Variants in FBXO34 observed in about 807,000 individuals in gnomAD.
The protein encoded by FBXO34 is F-box only protein 34.
In FBXO34, 12 loss-of-function variants were observed where a neutral mutation model predicts 24.5. The observed-to-expected ratio is 0.49, with a 90% confidence interval of 0.31 to 0.79. FBXO34 has a LOEUF of 0.79. Ranked by LOEUF, FBXO34 falls within the 30% of genes least tolerant of loss-of-function variation. The probability of loss-of-function intolerance (pLI) is 0.04; values close to 1 mark genes in which losing one functional copy is unlikely to be tolerated. For synonymous variants in FBXO34, 320 were observed against 311.9 expected, an observed-to-expected ratio of 1.03 and a Z score of -0.27; for missense variants, 823 against 857.7, an observed-to-expected ratio of 0.96 and a Z score of 0.51.
chr14:55,426,727 G>T, the FBXO34 span, among the ~76,000 whole-genome samples: 2 of 151,164 alleles, frequency 1.3e-5, no homozygotes, highest in African/African-American at 4.9e-5. Flanking sequence ...AAAAAAAAAA[G>T]AAAAGAAAAG....
At chr14:55,428,965 C>A in the FBXO34 span, 1 of 1,614,064 alleles carries the variant, frequency 6.2e-7, no homozygotes, top group Non-Finnish European at 8.5e-7. Flanking sequence ...CAAGTCGAGA[C>A]TGCTCTTCAC....
the FBXO34 span, among the ~76,000 whole-genome samples, chr14:55,383,064 AG>A: frequency 6.6e-6 from 1 of 152,186 alleles, no homozygotes; most frequent in African/African-American, 2.4e-5. Flanking sequence ...CCACAAAAAG[AG>A]CAGCTAGTTC....
chr14:55,321,967 A>G (rs1368159526), intron 1 of FBXO34, among the ~76,000 whole-genome samples: 2 of 152,200 alleles, frequency 1.3e-5, no homozygotes, highest in African/African-American at 2.4e-5. Flanking sequence ...AACCACATTG[A>G]AATAGCTGCA....
At chr14:55,372,190 C>A (rs1312300973), downstream of FBXO34, among the ~76,000 whole-genome samples, 1 of 152,106 alleles carries the variant, frequency 6.6e-6, no homozygotes, top group Non-Finnish European at 1.5e-5. Flanking sequence ...TCCCACCTCC[C>A]ACTCTGTCTG....
chr14:55,271,712 C>T (rs1881150988), intron 1 of FBXO34, among the ~76,000 whole-genome samples, 175 bp downstream of exon 1: 1 of 150,852 alleles, frequency 6.6e-6, no homozygotes, highest in Admixed American at 6.6e-5. Context: ...GACCCGGCCG[C>T]CTGCGCCTCC....
chr14:55,396,017 A>G, the FBXO34 span: 1 of 1,509,304 alleles, frequency 6.6e-7, no homozygotes, highest in Non-Finnish European at 9.0e-7. Context: ...AAGCTCTTAA[A>G]AATAATAAAA....
At chr14:55,422,437 G>C in the FBXO34 span, among the ~76,000 whole-genome samples, 2 of 152,130 alleles carry the variant, frequency 1.3e-5, no homozygotes, top group African/African-American at 4.8e-5. Context: ...TTTTAGTAGA[G>C]ACAGGGTTTC....
At chr14:55,385,668 C>A in the FBXO34 span, among the ~76,000 whole-genome samples, 1 of 152,180 alleles carries the variant, frequency 6.6e-6, no homozygotes, top group South Asian at 2.1e-4. Flanking sequence ...AGTGTGGGCC[C>A]CACCCCTCAC....
chr14:55,320,290 C>T (rs959762465), intron 1 of FBXO34, among the ~76,000 whole-genome samples: 11 of 152,128 alleles, frequency 7.2e-5, no homozygotes, highest in African/African-American at 2.7e-4. Flanking sequence ...GTCAAGGCGA[C>T]GGTGATTGTG....
rs1028944338 is a variant in FBXO34 at position 55,271,544 on chromosome 14, C to A, written c.-11+7C>A. ...GGCCGGGGCAGGAGCGCAGGTGGGT[C>A]CGGGCCGAGGTGGGGCGTGGCGCGA... On this transcript the variant is annotated splice_region_variant and intron_variant, in intron 1 of 1. Transcript: ENST00000313833. 6.7e-6 allele frequency: 1 copy of A among 150,020 alleles called. No individual in the cohort carries two copies. Among genetic ancestry groups the A allele is most frequent in the Admixed American group, 6.6e-5 (1 of 15,084 alleles). The allele number at this position is 150,020 out of a possible 1,614,324, so 9.3% of individuals were successfully genotyped here.
the FBXO34 span, among the ~76,000 whole-genome samples, chr14:55,406,124 A>G: frequency 1.3e-5 from 2 of 152,242 alleles, no homozygotes; most frequent in African/African-American, 4.8e-5. Flanking sequence ...TAAGAGTCAA[A>G]GGAACTAATT....
chr14:55,420,525 T>C, the FBXO34 span, among the ~76,000 whole-genome samples: 1 of 152,242 alleles, frequency 6.6e-6, no homozygotes. Context: ...TAATTATTTA[T>C]CATTTCAGTA....
At chr14:55,336,145 G>C (rs1440556644) in intron 1 of FBXO34, among the ~76,000 whole-genome samples, 1 of 151,954 alleles carries the variant, frequency 6.6e-6, no homozygotes, top group Non-Finnish European at 1.5e-5. Context: ...AAAATTATAT[G>C]TATTTAATTA....
intron 1 of FBXO34, among the ~76,000 whole-genome samples, chr14:55,292,067 T>C (rs187704877): frequency 3.9e-5 from 6 of 152,340 alleles, no homozygotes; most frequent in Admixed American, 3.9e-4. Context: ...TTCAGAAACA[T>C]ATTTTTAACT....
intron 1 of FBXO34, 99 bp downstream of exon 1, chr14:55,271,636 T>C (rs1881146704): frequency 6.8e-6 from 1 of 148,106 alleles, no homozygotes; most frequent in African/African-American, 2.4e-5. Context: ...GCCGCCTGCC[T>C]GCGCTCCCGG....
At chr14:55,364,652 C>T (rs1249207860), downstream of FBXO34, among the ~76,000 whole-genome samples, 1 of 151,584 alleles carries the variant, frequency 6.6e-6, no homozygotes, top group Admixed American at 6.6e-5. Flanking sequence ...TGGTTTTGAA[C>T]TCCTGACCTC....
At chr14:55,366,892 A>G (rs1884691759), downstream of FBXO34, 1 of 152,684 alleles carries the variant, frequency 6.5e-6, no homozygotes, top group Non-Finnish European at 1.5e-5. Context: ...ACAGTGGTTG[A>G]AATGTATACT....
intron 1 of FBXO34, among the ~76,000 whole-genome samples, chr14:55,295,532 T>C (rs1276064383): frequency 6.6e-6 from 1 of 151,804 alleles, no homozygotes; most frequent in Non-Finnish European, 1.5e-5. Context: ...GTAGCTGGGA[T>C]TACAGGCATG....
chr14:55,276,556 C>T (rs1167319378), intron 1 of FBXO34, among the ~76,000 whole-genome samples: 5 of 152,062 alleles, frequency 3.3e-5, no homozygotes, highest in Non-Finnish European at 2.9e-5. Flanking sequence ...TATTAGCCGG[C>T]GACCGAGAGA....
Sources: allele counts gnomAD v4.1 joint callset (sites outside exome capture counted in the v4.1 genomes callset), GRCh38; gene constraint gnomAD v4.1.1; transcripts MANE v1.5; gene names NCBI Gene and HGNC (gene_info 2026-07-23, HGNC 2026-07-21).